The following CWC15 variants were observed in gnomAD, a reference collection of about 807,000 sequenced individuals.
CWC15 encodes the protein CWC15 spliceosome associated protein, also known as spliceosome-associated protein CWC15 homolog.
CWC15 carries 12 observed loss-of-function variants against 28.4 expected under a neutral mutation model. The ratio of observed to expected loss-of-function variants is 0.42; its 90% CI spans 0.27 to 0.69. CWC15 has a LOEUF of 0.69. Ranked by LOEUF, CWC15 falls within the 30% of genes least tolerant of loss-of-function variation. CWC15 has a pLI of 0.23. For synonymous variants in CWC15, 92 were observed against 88.4 expected, an observed-to-expected ratio of 1.04 and a Z score of -0.23; for missense variants, 192 against 271.5, an observed-to-expected ratio of 0.71 and a Z score of 2.06.
Position 94,963,501 on chromosome 11 carries a change from C to T in CWC15, c.574G>A (p.Val192Ile), listed in dbSNP as rs1590955996. 3.8e-6 allele frequency: 6 copies of T among 1,571,864 alleles called. No homozygotes were observed. Among genetic ancestry groups the T allele is most frequent in the Admixed American group, 3.8e-5 (2 of 53,188 alleles). ...CCTTTTGCACAGTTCTTGAAGACAA[C>T]GTCATCATCCCACCTGAGGAAAAAA... ...FKVKRRWDDD[V>I]VFKNCAKGVD... Residue 192 changes from valine to isoleucine, a missense_variant, in exon 7 of 7, where the codon GTT (valine) becomes ATT (isoleucine). Physicochemically the swap from Val to Ile is conservative, Grantham distance 29. Coordinates refer to ENST00000279839, the MANE Select transcript of CWC15 (RefSeq NM_016403.4).
chr11:94,969,694 TCTC>T (rs1453920866), intron 5 of CWC15, among the ~76,000 whole-genome samples: 6 of 152,284 alleles, frequency 3.9e-5, no homozygotes, highest in Middle Eastern at 3.4e-3. Context: ...CATCTTTGAT[TCTC>T]CTGTCAATTA....
At chr11:94,970,316 T>C (rs11020989) in intron 4 of CWC15, 95,228 of 384,012 alleles carry the variant, frequency 0.25, 14,331 homozygotes, top group East Asian at 0.61. Context: ...TCAGTTGAAA[T>C]TAGGTTTCCT....
At chr11:94,963,633 G>A (rs980859366) in intron 6 of CWC15, 119 bp from the exon 7 acceptor site, 10 of 702,318 alleles carry the variant, frequency 1.4e-5, no homozygotes, top group African/African-American at 5.5e-5. Flanking sequence ...TGTATCATCT[G>A]ATGCAGCAAT....
Position 94,964,351 on chromosome 11 carries a change from G to C in CWC15, c.561-837C>G, listed in dbSNP as rs115098440. Among the ~76,000 whole-genome samples the C allele has an allele frequency of 5.7e-3, 868 of 152,248 alleles. 6 individuals are homozygous for C. The highest frequency in any genetic ancestry group is 0.03 in the South Asian group (145 of 4,822). ...GAACAAATGTGGGAAAGTGCACAAT[G>C]AGCAACAAACGTGGGCACCTTTGGA... On this transcript the variant is annotated intron_variant, in intron 6 of 6. Coordinates refer to ENST00000279839, the MANE Select transcript of CWC15 (RefSeq NM_016403.4).
chr11:94,968,325 T>C lies in CWC15; in HGVS notation c.441+1664A>G, dbSNP rs587739093. ...GCTAAATGGTTTGAAAATCTTAAAT[T>C]TGGAACATGGCAAAAACCAGCCAAT... On this transcript the variant is annotated intron_variant, in intron 5 of 6. Coordinates refer to ENST00000279839, the MANE Select transcript of CWC15 (RefSeq NM_016403.4). Among the ~76,000 whole-genome samples the C allele has an allele frequency of 2.7e-3, 416 of 152,170 alleles. 5 individuals carry two copies. The highest frequency in any genetic ancestry group is 9.5e-3 in the African/African-American group (394 of 41,480).
At chr11:94,964,076 T>C (rs1208112287) in intron 6 of CWC15, among the ~76,000 whole-genome samples, 1 of 151,898 alleles carries the variant, frequency 6.6e-6, no homozygotes, top group African/African-American at 2.4e-5. Flanking sequence ...AAGTACCAGC[T>C]GAAGAGCTCA....
chr11:94,964,867 C>T (rs782329460), intron 6 of CWC15, among the ~76,000 whole-genome samples: 1 of 152,254 alleles, frequency 6.6e-6, no homozygotes, highest in African/African-American at 2.4e-5. Flanking sequence ...GTTCTGACTT[C>T]TCCTCTCTAG....
rs782054752 is a variant in CWC15 at position 94,971,052 on chromosome 11, G to A, written c.258C>T (p.Ser86=). The change falls in exon 4 of 7, where the codon TCC becomes TCT. Residue 86 remains serine, a synonymous_variant. Coordinates refer to ENST00000279839, the MANE Select transcript of CWC15 (RefSeq NM_016403.4). ...ACCGTGGCTTTTTTGACACTGAAGAGGAGGTTGTATGTTCTGGGGGGAAAC... is the reference window on the plus strand; with the variant it reads ...ACCGTGGCTTTTTTGACACTGAAGAAGAGGTTGTATGTTCTGGGGGGAAAC... ...RDRPTREHTT[S]SSVSKKPRLD... is the part of the protein sequence containing the mutation. 4 of 1,613,542 alleles carry A rather than the reference G, an allele frequency of 2.5e-6. No homozygotes were observed. Among genetic ancestry groups the A allele is most frequent in the Middle Eastern group, 1.6e-4 (1 of 6,062 alleles).
At chr11:94,971,193 G>A in intron 3 of CWC15, 128 bp from the exon 4 acceptor site, 2 of 1,017,422 alleles carry the variant, frequency 2.0e-6, no homozygotes, top group Non-Finnish European at 3.0e-6. Flanking sequence ...CATCCACAGT[G>A]CCTGGGCAAA....
At chr11:94,969,729 A>G (rs980557411) in intron 5 of CWC15, among the ~76,000 whole-genome samples, 2 of 152,210 alleles carry the variant, frequency 1.3e-5, no homozygotes, top group African/African-American at 2.4e-5. Flanking sequence ...CTAAATGTTG[A>G]ACAAATGAAT....
rs371664820 is a variant in CWC15, at chr11:94,964,242, C to A, written c.561-728G>T. ...AGGCCCATATACATAATATTGATAC[C>A]CTCACAAATATATATATAACACAAG... is the stretch of plus-strand genomic sequence containing the variant. On this transcript the variant is annotated intron_variant, in intron 6 of 6. Coordinates refer to ENST00000279839, the MANE Select transcript of CWC15 (RefSeq NM_016403.4). Among the ~76,000 whole-genome samples the A allele has an allele frequency of 1.3e-4, 18 of 143,610 alleles. No homozygotes were observed. The East Asian group carries it at 3.7e-3, about 30-fold the overall frequency. The allele number at this position is 143,610 out of a possible 152,430, so 94.2% of individuals were successfully genotyped here.
At chr11:94,966,224 T>TACACACACACACACACACAC (rs1447749262) in intron 6 of CWC15, 71 bp downstream of exon 6, 1 of 732,146 alleles carries the variant, frequency 1.4e-6, no homozygotes, top group African/African-American at 2.4e-5. Context: ...CACATACACA[T>TACACACACACACACACACAC]ATACACACAC....
chr11:94,965,000 C>T (rs1857618138), intron 6 of CWC15, among the ~76,000 whole-genome samples: 1 of 152,240 alleles, frequency 6.6e-6, no homozygotes, highest in East Asian at 1.9e-4. Flanking sequence ...AGGAGTACTG[C>T]ATCACTCCAG....
chr11:94,963,554 G>C, intron 6 of CWC15, 40 bp from the exon 7 acceptor site: 1 of 1,530,670 alleles, frequency 6.5e-7, no homozygotes, highest in Non-Finnish European at 8.8e-7. Context: ...GAAAATGTTT[G>C]TATCAGGAGA....
At chr11:94,969,717 G>C (rs987816487) in intron 5 of CWC15, among the ~76,000 whole-genome samples, 1 of 152,042 alleles carries the variant, frequency 6.6e-6, no homozygotes, top group African/African-American at 2.4e-5. Flanking sequence ...AACAGATATC[G>C]ACTAAATGTT....
chr11:94,968,463 T>C (rs1555095658), intron 5 of CWC15, among the ~76,000 whole-genome samples: 1 of 152,226 alleles, frequency 6.6e-6, no homozygotes, highest in African/African-American at 2.4e-5. Flanking sequence ...CTGTCTAAAA[T>C]GTTTATCCTC....
At position 94,963,507 on chromosome 11, in the gene CWC15, C is replaced by A; in HGVS notation, c.568G>T (p.Asp190Tyr). ...GCACAGTTCTTGAAGACAACGTCATCATCCCACCTGAGGAAAAAAAAGCAA... is the reference window on the plus strand; with the variant it reads ...GCACAGTTCTTGAAGACAACGTCATAATCCCACCTGAGGAAAAAAAAGCAA... ...ANFKVKRRWD[D>Y]DVVFKNCAKG... is the part of the protein sequence containing the mutation. The change falls in exon 7 of 7, where the codon GAT becomes TAT. Residue 190 changes from aspartate to tyrosine, a missense_variant. Physicochemically the swap from Asp to Tyr is radical, Grantham distance 160 (BLOSUM62 -3). Transcript: ENST00000279839. 6.4e-7 allele frequency: 1 copy of A among 1,569,644 alleles called. No homozygotes were observed. The highest frequency in any genetic ancestry group is 8.6e-7 in the Non-Finnish European group (1 of 1,156,530).
intron 2 of CWC15, 80 bp downstream of exon 2, chr11:94,971,971 TCAAA>T: frequency 8.2e-7 from 1 of 1,220,838 alleles, no homozygotes; most frequent in South Asian, 1.6e-5. Flanking sequence ...GTGACATAAC[TCAAA>T]CATACTACTA....
intron 4 of CWC15, chr11:94,970,307 CA>C (rs1857701779): frequency 2.5e-6 from 1 of 400,918 alleles, no homozygotes; most frequent in African/African-American, 2.1e-5. Flanking sequence ...CATTAAATTT[CA>C]GTTGAAATTA....
Sources: allele counts gnomAD v4.1 joint callset (sites outside exome capture counted in the v4.1 genomes callset), GRCh38; gene constraint gnomAD v4.1.1; transcripts MANE v1.5; gene names NCBI Gene and HGNC (gene_info 2026-07-23, HGNC 2026-07-21).